Variants in CREB5 observed in about 807,000 individuals in gnomAD.
CREB5 encodes the protein cAMP responsive element binding protein 5.
Under a neutral mutation model 57.1 loss-of-function variants are expected in CREB5, and 19 were observed. The observed-to-expected ratio is 0.33, with a 90% CI of 0.23 to 0.49. The LOEUF is 0.49. Among genes scored for constraint, CREB5 ranks in the 20% least tolerant of loss-of-function variants. CREB5 has a pLI of 0.99. For synonymous variants in CREB5, 238 were observed against 238.3 expected (o/e 1.00, Z 0.01); for missense variants, 579 against 671.6 (o/e 0.86, Z 1.52).
At chr7:28,391,601 T>C (rs1787217608) in intron 1 of CREB5, among the ~76,000 whole-genome samples, 1 of 152,220 alleles carries the variant, frequency 6.6e-6, no homozygotes, top group Admixed American at 6.5e-5. Flanking sequence ...CCAATTCTGA[T>C]GGTCAATCAC....
At chr7:28,496,479 A>G (rs916207541) in intron 3 of CREB5, among the ~76,000 whole-genome samples, 4 of 152,124 alleles carry the variant, frequency 2.6e-5, no homozygotes, top group Admixed American at 2.6e-4. Context: ...GGTTATTGTA[A>G]CCCATTGTTA....
intron 1 of CREB5, among the ~76,000 whole-genome samples, chr7:28,307,650 G>A (rs948062276): frequency 2.0e-5 from 3 of 152,256 alleles, no homozygotes; most frequent in African/African-American, 7.2e-5. Flanking sequence ...CTGGAAATTA[G>A]TTGGACTTAG....
chr7:28,429,668 A>G (rs1788639444), intron 1 of CREB5, among the ~76,000 whole-genome samples: 1 of 152,182 alleles, frequency 6.6e-6, no homozygotes, highest in African/African-American at 2.4e-5. Context: ...TCTGAAAAGA[A>G]AAGGAATTTA....
At chr7:28,685,572 C>T (rs1426645795) in intron 5 of CREB5, among the ~76,000 whole-genome samples, 1 of 152,172 alleles carries the variant, frequency 6.6e-6, no homozygotes, top group Non-Finnish European at 1.5e-5. Flanking sequence ...GTTTTTCACA[C>T]TCAGACCTTC....
chr7:28,470,779 G>A (rs2128582139), intron 1 of CREB5, among the ~76,000 whole-genome samples: 1 of 152,226 alleles, frequency 6.6e-6, no homozygotes, highest in Middle Eastern at 3.4e-3. Context: ...TTTAACTGGG[G>A]CAAGATAGTA....
intron 7 of CREB5, among the ~76,000 whole-genome samples, chr7:28,754,432 G>A (rs539141501): frequency 1.6e-4 from 24 of 152,264 alleles, no homozygotes; most frequent in Non-Finnish European, 2.5e-4. Flanking sequence ...AAACATCTAC[G>A]TTGGCCACCT....
At chr7:28,469,594 C>A (rs1007279539) in intron 1 of CREB5, among the ~76,000 whole-genome samples, 10 of 152,126 alleles carry the variant, frequency 6.6e-5, no homozygotes, top group African/African-American at 2.4e-4. Context: ...ATTTTTGTCA[C>A]CAGAAAATAA....
At chr7:28,686,208 A>C in intron 5 of CREB5, 1 of 1,603,052 alleles carries the variant, frequency 6.2e-7, no homozygotes, top group Non-Finnish European at 8.5e-7. Flanking sequence ...GTTTGTTTTT[A>C]ATTTTATTTT....
intron 1 of CREB5, among the ~76,000 whole-genome samples, chr7:28,349,820 A>T (rs1786152556): frequency 6.6e-6 from 1 of 152,164 alleles, no homozygotes; most frequent in Non-Finnish European, 1.5e-5. Context: ...TATTTGTTCA[A>T]ATATTTATTC....
At chr7:28,545,305 C>G (rs964486710) in intron 4 of CREB5, among the ~76,000 whole-genome samples, 1 of 152,218 alleles carries the variant, frequency 6.6e-6, no homozygotes, top group Admixed American at 6.5e-5. Flanking sequence ...GAAGTTCTTC[C>G]TGGAACTTGG....
intron 2 of CREB5, among the ~76,000 whole-genome samples, chr7:28,494,337 A>G (rs1025589418): frequency 9.2e-5 from 14 of 152,194 alleles, no homozygotes; most frequent in Non-Finnish European, 1.3e-4. Flanking sequence ...TTTTTGTAAA[A>G]TGCTGCCTAC....
rs768219582 is a variant in CREB5 at position 28,412,890 on chromosome 7, CGTT to C, written c.-23_-21del. ...GATTTGGTGACTGCAGGAAGCAACA[CGTT>C]GCTGCTTTTATTCTACAGATAATGG... On this transcript the variant is annotated 5_prime_UTR_variant, in exon 1 of 11. Transcript: ENST00000357727. The C allele has an allele frequency of 2.0e-6, 3 of 1,488,382 alleles. No homozygotes were observed. Among genetic ancestry groups the C allele is most frequent in the Non-Finnish European group, 2.7e-6 (3 of 1,116,332 alleles). The allele number at this position is 1,488,382 out of a possible 1,614,324, so 92.2% of individuals were successfully genotyped here.
At chr7:28,592,757 C>T (rs1318788593) in intron 5 of CREB5, among the ~76,000 whole-genome samples, 7 of 152,168 alleles carry the variant, frequency 4.6e-5, no homozygotes, top group Non-Finnish European at 8.8e-5. Flanking sequence ...GCTGAGATAA[C>T]AATAGTGATC....
intron 5 of CREB5, among the ~76,000 whole-genome samples, chr7:28,594,793 G>A (rs1796639870): frequency 6.6e-6 from 1 of 152,136 alleles, no homozygotes; most frequent in Non-Finnish European, 1.5e-5. Context: ...ACTAGAGACA[G>A]GGCCCTTCAT....
intron 1 of CREB5, 36 bp from the exon 2 acceptor site, chr7:28,488,139 T>C: frequency 6.3e-7 from 1 of 1,597,258 alleles, no homozygotes; most frequent in South Asian, 1.1e-5. Context: ...TTCATGGATT[T>C]CTTTTTCCTT....
chr7:28,370,090 A>T (rs1450240414), intron 1 of CREB5, among the ~76,000 whole-genome samples: 4 of 152,202 alleles, frequency 2.6e-5, no homozygotes, highest in Admixed American at 2.6e-4. Flanking sequence ...CATTAGTTTA[A>T]TGTTGATAAG....
intron 5 of CREB5, among the ~76,000 whole-genome samples, chr7:28,633,344 G>T (rs1798277116): frequency 6.6e-6 from 1 of 151,064 alleles, no homozygotes; most frequent in African/African-American, 2.4e-5. Context: ...AGCTTGATCA[G>T]TTTAAACCAA....
chr7:28,603,988 G>A (rs1169947915), intron 5 of CREB5, among the ~76,000 whole-genome samples: 1 of 152,120 alleles, frequency 6.6e-6, no homozygotes. Flanking sequence ...TAGCAGGATG[G>A]GGTGCGTAAA....
chr7:28,413,327 A>T (rs1270751438), intron 1 of CREB5, among the ~76,000 whole-genome samples: 29 of 152,080 alleles, frequency 1.9e-4, no homozygotes, highest in Admixed American at 1.9e-3. Flanking sequence ...ACAATAAAAC[A>T]GTTTTCCGCA....
Sources: allele counts gnomAD v4.1 joint callset (sites outside exome capture counted in the v4.1 genomes callset), GRCh38; gene constraint gnomAD v4.1.1; transcripts MANE v1.5; gene names NCBI Gene and HGNC (gene_info 2026-07-23, HGNC 2026-07-21).